The following CALN1 variants were observed in gnomAD, a reference collection of about 807,000 sequenced individuals.
CALN1 encodes calcium-binding protein 8.
Under a neutral mutation model 30.6 loss-of-function variants are expected in CALN1, and 17 were observed. The ratio of observed to expected loss-of-function variants is 0.56; its 90% CI spans 0.38 to 0.83. The LOEUF (loss-of-function observed/expected upper bound fraction) is 0.83, where lower values mean the gene tolerates loss of function less well. Ranked by LOEUF, CALN1 falls within the 40% of genes least tolerant of loss-of-function variation. The pLI, the probability that CALN1 is intolerant of heterozygous loss-of-function variation, is 0.00. For synonymous variants in CALN1, 156 were observed against 131.4 expected (o/e 1.19, Z -1.28); for missense variants, 291 against 354.9 (o/e 0.82, Z 1.45).
At chr7:72,183,274 A>G (rs1585111738) in intron 3 of CALN1, among the ~76,000 whole-genome samples, 1 of 152,182 alleles carries the variant, frequency 6.6e-6, no homozygotes, top group South Asian at 2.1e-4. Context: ...CACGTTGGCC[A>G]GGCTGGAAAT....
At chr7:72,061,796 C>CAAA (rs1161510912) in intron 4 of CALN1, among the ~76,000 whole-genome samples, 24 of 85,104 alleles carry the variant, frequency 2.8e-4, no homozygotes, top group South Asian at 4.9e-4. Context: ...GACTCTGTCT[C>CAAA]AAAAAAAAAA....
chr7:72,082,037 A>C (rs1237002667), intron 4 of CALN1, among the ~76,000 whole-genome samples: 2 of 151,824 alleles, frequency 1.3e-5, no homozygotes. Context: ...CCCAGGCTGG[A>C]GTGCAGTGGT....
chr7:72,453,550 A>G, the CALN1 span, among the ~76,000 whole-genome samples: 1 of 152,224 alleles, frequency 6.6e-6, no homozygotes. Flanking sequence ...CCAGTCTTCA[A>G]TCTGGTCCAC....
chr7:72,190,084 A>T (rs754531370), intron 3 of CALN1, among the ~76,000 whole-genome samples: 1 of 152,192 alleles, frequency 6.6e-6, no homozygotes. Flanking sequence ...TGCCAGGTGC[A>T]GTGGTTCATG....
chr7:71,879,655 C>T (rs1430336253), intron 5 of CALN1, among the ~76,000 whole-genome samples: 1 of 152,118 alleles, frequency 6.6e-6, no homozygotes, highest in African/African-American at 2.4e-5. Flanking sequence ...CTGAAGAGCT[C>T]CAGGGTCCAA....
chr7:72,213,935 T>C (rs1205673222), intron 3 of CALN1, among the ~76,000 whole-genome samples: 1 of 152,074 alleles, frequency 6.6e-6, no homozygotes, highest in East Asian at 1.9e-4. Context: ...TGTTGTGGCA[T>C]TTGCTCAGCA....
At chr7:72,224,136 T>C (rs1426087376) in intron 3 of CALN1, among the ~76,000 whole-genome samples, 1 of 152,126 alleles carries the variant, frequency 6.6e-6, no homozygotes, top group African/African-American at 2.4e-5. Context: ...TCACACAATA[T>C]ACCCTTGTAA....
intron 5 of CALN1, among the ~76,000 whole-genome samples, chr7:71,995,013 T>C (rs1584704703): frequency 6.6e-6 from 1 of 152,210 alleles, no homozygotes; most frequent in East Asian, 1.9e-4. Flanking sequence ...CCACCACACC[T>C]GGCTAATTTT....
chr7:72,115,803 T>C (rs1267125296), intron 3 of CALN1, among the ~76,000 whole-genome samples: 1 of 151,968 alleles, frequency 6.6e-6, no homozygotes, highest in Non-Finnish European at 1.5e-5. Context: ...TTCTTTTTTA[T>C]TTCCATCCCC....
chr7:72,054,934 A>G (rs1803155696), intron 4 of CALN1, among the ~76,000 whole-genome samples: 1 of 152,196 alleles, frequency 6.6e-6, no homozygotes, highest in South Asian at 2.1e-4. Context: ...CAAAACACAC[A>G]GAGCTAGAGA....
the CALN1 span, among the ~76,000 whole-genome samples, chr7:72,491,567 T>A: frequency 6.6e-6 from 1 of 152,156 alleles, no homozygotes; most frequent in Non-Finnish European, 1.5e-5. Context: ...AGACTCTGTC[T>A]CAAAAAGAGA....
chr7:72,407,116 G>C (rs1037981897), intron 1 of CALN1, among the ~76,000 whole-genome samples: 6 of 152,150 alleles, frequency 3.9e-5, no homozygotes, highest in African/African-American at 9.7e-5. Flanking sequence ...AATATGCAGA[G>C]AATGGTGAAG....
At chr7:71,829,759 G>T (rs755364471) in intron 5 of CALN1, among the ~76,000 whole-genome samples, 2 of 152,220 alleles carry the variant, frequency 1.3e-5, no homozygotes, top group Non-Finnish European at 2.9e-5. Context: ...TTTGCAGTCT[G>T]CACTGTCTGG....
intron 2 of CALN1, among the ~76,000 whole-genome samples, chr7:72,398,700 G>A (rs773221681): frequency 2.6e-5 from 4 of 152,202 alleles, no homozygotes; most frequent in Non-Finnish European, 5.9e-5. Context: ...AGAAGTGAAG[G>A]ATTTCACTGC....
rs79311835 is a variant in CALN1, at chr7:71,979,762, T to C, written c.501+43895A>G. Among the ~76,000 whole-genome samples the C allele has an allele frequency of 9.1e-4, 138 of 152,122 alleles. No individual in the cohort carries two copies. The East Asian group carries it at 0.018, about 20-fold the overall frequency. On this transcript the variant is annotated intron_variant, in intron 5 of 6. Coordinates refer to ENST00000395275, the MANE Select transcript of CALN1 (RefSeq NM_031468.4). ...TACTGCTATGGCTTGAGGAATAAAGTTCTTTGTATAATTTAGGTGTCTCAT... is the reference window on the plus strand; with the variant it reads ...TACTGCTATGGCTTGAGGAATAAAGCTCTTTGTATAATTTAGGTGTCTCAT...
At chr7:71,964,902 T>C (rs1016866171) in intron 5 of CALN1, among the ~76,000 whole-genome samples, 3 of 152,184 alleles carry the variant, frequency 2.0e-5, no homozygotes, top group African/African-American at 7.2e-5. Context: ...AAGGAATAGA[T>C]GGTTTCACTG....
At chr7:71,989,539 T>C (rs933508518) in intron 5 of CALN1, among the ~76,000 whole-genome samples, 1 of 151,120 alleles carries the variant, frequency 6.6e-6, no homozygotes, top group Non-Finnish European at 1.5e-5. Context: ...TGAGAAACGA[T>C]GTAGAAAGAA....
intron 5 of CALN1, among the ~76,000 whole-genome samples, chr7:71,848,594 C>T (rs1231570956): frequency 6.6e-6 from 1 of 152,058 alleles, no homozygotes; most frequent in African/African-American, 2.4e-5. Context: ...TAAAAGCCAT[C>T]TGTTTTGTGT....
intron 5 of CALN1, among the ~76,000 whole-genome samples, chr7:71,970,536 T>C (rs1797742114): frequency 1.3e-5 from 2 of 151,846 alleles, no homozygotes; most frequent in Non-Finnish European, 1.5e-5. Flanking sequence ...AGAAATCCAA[T>C]GCAAAATGGC....
Sources: allele counts gnomAD v4.1 joint callset (sites outside exome capture counted in the v4.1 genomes callset), GRCh38; gene constraint gnomAD v4.1.1; transcripts MANE v1.5; gene names NCBI Gene and HGNC (gene_info 2026-07-23, HGNC 2026-07-21).